The following ETF1 variants were observed in gnomAD, a reference collection of about 807,000 sequenced individuals.
ETF1 encodes the protein eukaryotic translation termination factor 1.
ETF1 carries 4 observed loss-of-function variants against 55.1 expected under a neutral mutation model. The observed-to-expected ratio is 0.07, with a 90% confidence interval of 0.04 to 0.17. The LOEUF (loss-of-function observed/expected upper bound fraction) is 0.17, where lower values mean the gene tolerates loss of function less well. Ranked by LOEUF, ETF1 falls within the 10% of genes least tolerant of loss-of-function variation. The pLI is 1.00. For missense variants in ETF1, 142 were observed against 523.6 expected (o/e 0.27, Z 7.11); for synonymous variants, 157 against 182.3 (o/e 0.86, Z 1.12).
In ETF1 at chr5:138,517,394, T is replaced by A. The variant is rs562171185; in HGVS notation, c.402+167A>T. ...TAAAAAAAAAATAAAAAAATAAAAA[T>A]AAAAAAATAAAAATAAAAGAAGTAC... On this transcript the variant is annotated intron_variant, in intron 4 of 10. Transcript: ENST00000360541. Among the ~76,000 whole-genome samples the A allele has an allele frequency of 3.9e-3, 592 of 150,542 alleles. 6 individuals are homozygous for A. Among genetic ancestry groups the A allele is most frequent in the Admixed American group, 6.0e-3 (90 of 15,086 alleles).
rs1339961501 is a variant in ETF1 at position 138,506,271 on chromosome 5, C to T, written c.*2034G>A. The T allele has an allele frequency of 6.6e-6, 1 of 152,448 alleles. No homozygotes were observed. The highest frequency in any genetic ancestry group is 1.5e-5 in the Non-Finnish European group (1 of 68,022). 9.4% of individuals were successfully genotyped at this position (152,448 alleles called of 1,614,324 possible). A position where few individuals can be genotyped will look rare whatever the true frequency, so the allele number is the denominator to read the frequency against. On this transcript the variant is annotated 3_prime_UTR_variant, in exon 11 of 11. Coordinates refer to ENST00000360541, the MANE Select transcript of ETF1 (RefSeq NM_004730.4). ...ACATATCAATATATATTGATACACA[C>T]ATCAATATATAATGCAATATATATC...
chr5:138,516,839 A>G (rs1765039920), intron 4 of ETF1, among the ~76,000 whole-genome samples: 1 of 152,384 alleles, frequency 6.6e-6, no homozygotes, highest in East Asian at 1.9e-4. Context: ...AAACTTGTCC[A>G]TGAATGTTCA....
intron 2 of ETF1, chr5:138,529,600 C>A (rs952302899): frequency 1.5e-5 from 15 of 985,326 alleles, no homozygotes; most frequent in Admixed American, 6.2e-5. Context: ...CACTCAGATT[C>A]TCTTCTTGTT....
chr5:138,541,846 T>G, intron 2 of ETF1: 9 of 315,812 alleles, frequency 2.8e-5, no homozygotes, highest in South Asian at 5.5e-5. Flanking sequence ...GAAACAGGAA[T>G]ACCCCTGGCA....
At chr5:138,542,787 G>A (rs760745520) in intron 2 of ETF1, 46 bp downstream of exon 2, 13 of 1,605,588 alleles carry the variant, frequency 8.1e-6, no homozygotes, top group South Asian at 6.7e-5. Context: ...ATCCTGAGGG[G>A]TCCGGGAACC....
chr5:138,509,288 G>C (rs1432518181), intron 9 of ETF1: 6 of 454,492 alleles, frequency 1.3e-5, no homozygotes, highest in Non-Finnish European at 1.7e-5. Context: ...GATGCACTTA[G>C]AGCAAACCAG....
At chr5:138,536,367 A>G (rs4835687) in intron 2 of ETF1, among the ~76,000 whole-genome samples, 68,543 of 152,028 alleles carry the variant, frequency 0.45, 16,831 homozygotes, top group East Asian at 0.8. Flanking sequence ...ACCTGAAAGG[A>G]TTGTGAGAAG....
chr5:138,519,438 C>A (rs1400189213), intron 2 of ETF1, among the ~76,000 whole-genome samples: 1 of 151,396 alleles, frequency 6.6e-6, no homozygotes, highest in Non-Finnish European at 1.5e-5. Context: ...CCGAGGCGGG[C>A]GGATCACAAG....
intron 5 of ETF1, 36 bp downstream of exon 5, chr5:138,513,532 C>G: frequency 6.5e-7 from 1 of 1,534,234 alleles, no homozygotes; most frequent in Non-Finnish European, 9.0e-7. Context: ...TTGCTAGACA[C>G]AAAGTAAGTG....
At chr5:138,512,220 A>AAT (rs1764819507) in intron 6 of ETF1, among the ~76,000 whole-genome samples, 13 of 25,436 alleles carry the variant, frequency 5.1e-4, no homozygotes, top group Non-Finnish European at 9.0e-4. Flanking sequence ...AAAAAAAAAA[A>AAT]AAAAAATATA....
chr5:138,511,785 C>A (rs986830575), intron 6 of ETF1, 181 bp from the exon 7 acceptor site: 23 of 978,432 alleles, frequency 2.4e-5, no homozygotes, highest in Non-Finnish European at 2.8e-5. Flanking sequence ...GTGAACAGCA[C>A]TGCCAATTAT....
chr5:138,524,859 A>G (rs1765400936), intron 2 of ETF1, among the ~76,000 whole-genome samples: 1 of 151,746 alleles, frequency 6.6e-6, no homozygotes, highest in East Asian at 1.9e-4. Context: ...TACAGGCATG[A>G]GCCACCGTGC....
chr5:138,512,640 A>T, intron 6 of ETF1, 124 bp downstream of exon 6: 1 of 751,896 alleles, frequency 1.3e-6, no homozygotes, highest in Non-Finnish European at 2.0e-6. Flanking sequence ...CCTGCTGTTT[A>T]ACTCAGAGGC....
intron 2 of ETF1, among the ~76,000 whole-genome samples, chr5:138,540,951 A>T (rs1409833190): frequency 6.6e-6 from 1 of 152,216 alleles, no homozygotes; most frequent in Non-Finnish European, 1.5e-5. Context: ...GTCATCTTCA[A>T]TGTTACTTCA....
At chr5:138,538,455 G>A (rs756839887) in intron 2 of ETF1, among the ~76,000 whole-genome samples, 1 of 152,222 alleles carries the variant, frequency 6.6e-6, no homozygotes, top group Non-Finnish European at 1.5e-5. Context: ...CTCCCAAAGT[G>A]CTGGGATTAC....
At chr5:138,517,422 C>T in intron 4 of ETF1, 139 bp downstream of exon 4, 3 of 422,054 alleles carry the variant, frequency 7.1e-6, no homozygotes, top group Non-Finnish European at 1.3e-5. Context: ...AGAAGTACAG[C>T]ACAAGCATAT....
chr5:138,520,881 G>A (rs989721730), intron 2 of ETF1, among the ~76,000 whole-genome samples: 3 of 152,052 alleles, frequency 2.0e-5, no homozygotes, highest in Non-Finnish European at 4.4e-5. Context: ...CTTGTGCATT[G>A]CCAGTGGGAA....
At chr5:138,518,552 A>C (rs932634559) in intron 3 of ETF1, 140 bp downstream of exon 3, 11 of 708,680 alleles carry the variant, frequency 1.6e-5, no homozygotes, top group Non-Finnish European at 2.3e-5. Context: ...ACAAAACAAA[A>C]AAGCTAACCA....
chr5:138,518,981 A>G (rs958689874), intron 2 of ETF1, 114 bp from the exon 3 acceptor site: 1 of 1,527,574 alleles, frequency 6.5e-7, no homozygotes, highest in Non-Finnish European at 8.8e-7. Context: ...GAAACAGGTC[A>G]CTCTCAAAGG....
Sources: allele counts gnomAD v4.1 joint callset (sites outside exome capture counted in the v4.1 genomes callset), GRCh38; gene constraint gnomAD v4.1.1; transcripts MANE v1.5; gene names NCBI Gene and HGNC (gene_info 2026-07-23, HGNC 2026-07-21).